Variants in CMC1 observed in about 807,000 individuals in gnomAD.
CMC1 encodes COX assembly mitochondrial protein homolog.
A neutral mutation model predicts 14.1 loss-of-function variants in CMC1; 14 were observed. The ratio of observed to expected loss-of-function variants is 0.99; its 90% CI spans 0.66 to 1.55. The LOEUF (loss-of-function observed/expected upper bound fraction) is 1.55, where lower values mean the gene tolerates loss of function less well. Among genes scored for constraint, CMC1 ranks in the 40% most tolerant of loss-of-function variants. The probability of loss-of-function intolerance (pLI) is 0.00; values close to 1 mark genes in which losing one functional copy is unlikely to be tolerated. For missense variants in CMC1, 127 were observed against 123.8 expected (o/e 1.03, Z -0.12); for synonymous variants, 50 against 38.4 (o/e 1.30, Z -1.12).
At chr3:28,243,283 T>G (rs990170296) in intron 1 of CMC1, among the ~76,000 whole-genome samples, 1 of 152,152 alleles carries the variant, frequency 6.6e-6, no homozygotes, top group East Asian at 1.9e-4. Flanking sequence ...CTGGAACTCC[T>G]GACCTCAAGT....
Position 28,319,562 on chromosome 3 carries a change from G to T in CMC1, c.254G>T (p.Arg85Met), listed in dbSNP as rs1577112588. ...TGCAAAATGGAATACCTGAAGGAAA[G>T]GGAAGAATTCAGAAAAACTGGAATT... ...EECKMEYLKEREEFRKTGIPT... is the reference protein window; with the variant it reads ...EECKMEYLKEMEEFRKTGIPT... The change falls in exon 4 of 4, where the codon AGG becomes ATG. Residue 85 changes from arginine (R) to methionine (M), a missense_variant. Arg to Met is a moderately conservative substitution (Grantham distance 91). Coordinates refer to ENST00000466830, the MANE Select transcript of CMC1 (RefSeq NM_182523.2). 2.5e-6 allele frequency: 4 copies of T among 1,608,454 alleles called. No homozygotes were observed. Among genetic ancestry groups the T allele is most frequent in the Non-Finnish European group, 3.4e-6 (4 of 1,176,298 alleles).
In CMC1 at chr3:28,241,709, G is replaced by A. The variant is rs140383896; in HGVS notation, c.-85G>A. On this transcript the variant is annotated 5_prime_UTR_variant, in exon 1 of 4. Transcript: ENST00000466830. ...GGAAGCTCCCGGGGGTCGCACGTGC[G>A]TCCGAGCCCAAGCCCCTCCCCTCCA... 9.1e-4 allele frequency: 1,132 copies of A among 1,238,192 alleles called. 5 individuals are homozygous for A. The Middle Eastern group carries it at 0.011, about 13-fold the overall frequency. 76.7% of individuals were successfully genotyped at this position (1,238,192 alleles called of 1,614,324 possible). A position where few individuals can be genotyped will look rare whatever the true frequency, so the allele number is the denominator to read the frequency against.
intron 2 of CMC1, among the ~76,000 whole-genome samples, chr3:28,265,668 C>G (rs1699971730): frequency 6.6e-6 from 1 of 151,908 alleles, no homozygotes. Flanking sequence ...TTGGGTCAGA[C>G]TGCCAGCAAC....
chr3:28,312,879 C>T (rs1016247459), intron 2 of CMC1, among the ~76,000 whole-genome samples: 12 of 151,700 alleles, frequency 7.9e-5, no homozygotes, highest in African/African-American at 2.7e-4. Context: ...TTTTTTGAGA[C>T]GGAGTCTCAC....
chr3:28,267,214 A>G (rs1700051829), intron 2 of CMC1, among the ~76,000 whole-genome samples: 1 of 152,182 alleles, frequency 6.6e-6, no homozygotes, highest in African/African-American at 2.4e-5. Flanking sequence ...AAGTGTGCAT[A>G]CTAGTATTAA....
chr3:28,263,175 G>A, intron 1 of CMC1, 116 bp from the exon 2 acceptor site: 2 of 687,598 alleles, frequency 2.9e-6, no homozygotes, highest in Non-Finnish European at 4.9e-6. Flanking sequence ...TCATAAGGTT[G>A]TAAGTTTTGA....
At chr3:28,319,115 G>T (rs1291212481) in intron 3 of CMC1, 2 of 372,480 alleles carry the variant, frequency 5.4e-6, no homozygotes, top group East Asian at 7.4e-5. Flanking sequence ...ATTTCTGTTG[G>T]TCTTTCAAAA....
At position 28,256,225 on chromosome 3, in the gene CMC1, G is replaced by A. The variant is rs538288667; in HGVS notation, c.20-7066G>A. On this transcript the variant is annotated intron_variant, in intron 1 of 3. Coordinates refer to ENST00000466830, the MANE Select transcript of CMC1 (RefSeq NM_182523.2). ...TGTATATATATATATATATGTATAC[G>A]TGTCAAGAGATCTTGCAAGAAATTG... Among the ~76,000 whole-genome samples, 390 of 151,254 alleles carry A rather than the reference G, an allele frequency of 2.6e-3. 3 individuals are homozygous for A. The highest frequency in any genetic ancestry group is 6.9e-3 in the Middle Eastern group (2 of 288).
intron 1 of CMC1, among the ~76,000 whole-genome samples, chr3:28,257,105 G>T (rs34695447): frequency 0.025 from 3,844 of 152,246 alleles, 72 homozygotes; most frequent in Non-Finnish European, 0.043. Flanking sequence ...ATAGTTATGT[G>T]TTGAAATCTC....
chr3:28,265,434 C>T (rs1256331407), intron 2 of CMC1, among the ~76,000 whole-genome samples: 1 of 152,002 alleles, frequency 6.6e-6, no homozygotes, highest in African/African-American at 2.4e-5. Flanking sequence ...CGGGACATTT[C>T]CATTGTAGTT....
chr3:28,312,484 A>C (rs1166760616), intron 2 of CMC1, among the ~76,000 whole-genome samples: 1 of 152,254 alleles, frequency 6.6e-6, no homozygotes, highest in Non-Finnish European at 1.5e-5. Context: ...TGTGCAGAGA[A>C]AGTGTAAAAG....
At chr3:28,280,884 G>C (rs559294991) in intron 2 of CMC1, among the ~76,000 whole-genome samples, 2 of 152,176 alleles carry the variant, frequency 1.3e-5, no homozygotes, top group Non-Finnish European at 2.9e-5. Flanking sequence ...CTGATGCCCA[G>C]ATTTGGTCCA....
chr3:28,313,653 CAT>C (rs1702750728), intron 2 of CMC1, among the ~76,000 whole-genome samples: 1 of 152,262 alleles, frequency 6.6e-6, no homozygotes, highest in South Asian at 2.1e-4. Context: ...TCAGGTCAGT[CAT>C]ATTTACTCCT....
chr3:28,304,041 A>C (rs1349344639), intron 2 of CMC1, among the ~76,000 whole-genome samples: 1 of 151,968 alleles, frequency 6.6e-6, no homozygotes, highest in Non-Finnish European at 1.5e-5. Flanking sequence ...TTTGCATCTC[A>C]CCTGAAGTAT....
In CMC1 at chr3:28,287,929, C is replaced by T. The variant is rs184665163; in HGVS notation, c.109+24549C>T. ...GCTCTGTGCTGTCCAGTATATTAGC[C>T]AGTAGTCACATTGCCTATTTAATTT... On this transcript the variant is annotated intron_variant, in intron 2 of 3. Coordinates refer to ENST00000466830, the MANE Select transcript of CMC1 (RefSeq NM_182523.2). 2.0e-5 allele frequency among the ~76,000 whole-genome samples: 3 copies of T among 151,794 alleles called. No homozygotes were observed. In the East Asian group the frequency reaches 5.8e-4, roughly 29 times the overall value.
chr3:28,305,779 A>ATTTTTTTTTTT (rs71087685), intron 2 of CMC1, among the ~76,000 whole-genome samples: 5 of 43,570 alleles, frequency 1.1e-4, no homozygotes, highest in African/African-American at 4.4e-4. Context: ...TTTCATAGGA[A>ATTTTTTTTTTT]TTTTTTTTTT....
intron 2 of CMC1, among the ~76,000 whole-genome samples, chr3:28,298,571 C>G (rs1200359994): frequency 6.6e-6 from 1 of 151,142 alleles, no homozygotes; most frequent in African/African-American, 2.4e-5. Flanking sequence ...ATCTGTGGTT[C>G]TGCTCTCTTA....
intron 2 of CMC1, among the ~76,000 whole-genome samples, chr3:28,296,852 T>G (rs1701763493): frequency 6.6e-6 from 1 of 152,026 alleles, no homozygotes; most frequent in Non-Finnish European, 1.5e-5. Context: ...AAAGTAAGGT[T>G]TGTTGTTTTA....
intron 2 of CMC1, among the ~76,000 whole-genome samples, chr3:28,278,329 A>G (rs777181308): frequency 6.6e-6 from 1 of 152,124 alleles, no homozygotes; most frequent in Non-Finnish European, 1.5e-5. Flanking sequence ...TTAGTTTTGG[A>G]TATGTTAACT....
Sources: allele counts gnomAD v4.1 joint callset (sites outside exome capture counted in the v4.1 genomes callset), GRCh38; gene constraint gnomAD v4.1.1; transcripts MANE v1.5; gene names NCBI Gene and HGNC (gene_info 2026-07-23, HGNC 2026-07-21).